The following MAST4 variants were observed in gnomAD, a reference collection of about 807,000 sequenced individuals.
The protein encoded by MAST4 is microtubule associated serine/threonine kinase family member 4, also known as microtubule-associated serine/threonine-protein kinase 4.
MAST4 carries 89 observed loss-of-function variants against 162.7 expected under a neutral mutation model. The ratio of observed to expected loss-of-function variants is 0.55; its 90% CI spans 0.46 to 0.65. MAST4 has a LOEUF of 0.65. MAST4 is among the 30% of genes least tolerant of loss of function. The probability of loss-of-function intolerance (pLI) is 0.00; values close to 1 mark genes in which losing one functional copy is unlikely to be tolerated. For missense variants in MAST4, 3,153 were observed against 3,374.0 expected (o/e 0.93, Z 1.62); for synonymous variants, 1,479 against 1,361.1 (o/e 1.09, Z -1.91).
At position 66,675,047 on chromosome 5, in the gene MAST4, G is replaced by A. The variant is rs141884693; in HGVS notation, c.363+78029G>A. ...GTGCCCCTGCTATAGGACAGTCACT[G>A]CTGCTTGCTGGACCCTTGACTCTGC... On this transcript the variant is annotated intron_variant, in intron 1 of 28. Coordinates refer to ENST00000403625, the MANE Select transcript of MAST4 (RefSeq NM_001164664.2). Among the ~76,000 whole-genome samples the A allele has an allele frequency of 8.3e-4, 127 of 152,294 alleles. 1 individual carries two copies. The highest frequency in any genetic ancestry group is 1.6e-3 in the Non-Finnish European group (107 of 68,018).
At chr5:67,074,734 A>G (rs1343202514) in intron 5 of MAST4, among the ~76,000 whole-genome samples, 1 of 152,248 alleles carries the variant, frequency 6.6e-6, no homozygotes, top group African/African-American at 2.4e-5. Context: ...ATATTTGTAT[A>G]TACGTGTATA....
chr5:66,769,511 C>T (rs1235910614), intron 2 of MAST4, among the ~76,000 whole-genome samples: 1 of 152,188 alleles, frequency 6.6e-6, no homozygotes, highest in Non-Finnish European at 1.5e-5. Context: ...ATAGAGTATA[C>T]TTACACAAAC....
At chr5:66,980,405 C>A (rs907008712) in intron 4 of MAST4, among the ~76,000 whole-genome samples, 1 of 152,152 alleles carries the variant, frequency 6.6e-6, no homozygotes, top group Non-Finnish European at 1.5e-5. Flanking sequence ...TTATGTGGCA[C>A]TTGAGTAAGA....
intron 14 of MAST4, among the ~76,000 whole-genome samples, chr5:67,128,710 C>T (rs1036235617): frequency 3.3e-5 from 5 of 152,144 alleles, no homozygotes; most frequent in Non-Finnish European, 5.9e-5. Flanking sequence ...GTTGATTGAG[C>T]AGGAGCATAG....
rs1705399 is a variant in MAST4 at position 67,164,050 on chromosome 5, G to T, written c.4871G>T (p.Arg1624Leu). ...RASEGAMSDGRVPAEHRQGGG... is the reference protein window; with the variant it reads ...RASEGAMSDGLVPAEHRQGGG... The stretch of plus-strand genomic sequence containing the variant: ...AGCGAGGGTGCGATGTCGGATGGCC[G>T]GGTGCCTGCGGAGCACCGCCAGGGT... Residue 1624 changes from arginine (R) to leucine (L), a missense_variant, in exon 29 of 29, where the codon CGG becomes CTG. Physicochemically the swap from Arg to Leu is moderately radical, Grantham distance 102. Transcript: ENST00000403625. The surrounding 1 kb of genome is among the most constrained non-coding windows in gnomAD (Gnocchi z 5.3). 3.2e-6 allele frequency: 5 copies of T among 1,573,196 alleles called. No homozygotes were observed. Among genetic ancestry groups the T allele is most frequent in the African/African-American group, 2.7e-5 (2 of 73,790 alleles).
chr5:66,854,456 G>A (rs536542269), intron 3 of MAST4, among the ~76,000 whole-genome samples: 2 of 152,264 alleles, frequency 1.3e-5, no homozygotes, highest in East Asian at 1.9e-4. Context: ...CTGTTACAAG[G>A]CTAATATCAA....
intron 4 of MAST4, among the ~76,000 whole-genome samples, chr5:67,009,839 A>T (rs2150348549): frequency 6.6e-6 from 1 of 152,232 alleles, no homozygotes; most frequent in East Asian, 1.9e-4. Context: ...TTCTTGGGGT[A>T]GTCTGTTTAA....
intron 4 of MAST4, among the ~76,000 whole-genome samples, chr5:66,987,968 G>A (rs111681432): frequency 0.019 from 2,896 of 152,164 alleles, 103 homozygotes; most frequent in African/African-American, 0.067. Flanking sequence ...TAATTATGAC[G>A]CTGTGCAAAT....
intron 15 of MAST4, among the ~76,000 whole-genome samples, chr5:67,131,062 A>C (rs946761739): frequency 6.6e-6 from 1 of 152,162 alleles, no homozygotes; most frequent in African/African-American, 2.4e-5. Context: ...CAGAATCCCA[A>C]AACTATAAAA....
chr5:67,097,700 T>C (rs1469731398), intron 7 of MAST4, among the ~76,000 whole-genome samples: 3 of 152,116 alleles, frequency 2.0e-5, no homozygotes, highest in African/African-American at 7.2e-5. Context: ...AAGACGTTAG[T>C]ATCATATAAT....
At chr5:67,028,218 G>A (rs1018053270) in intron 4 of MAST4, among the ~76,000 whole-genome samples, 8 of 151,936 alleles carry the variant, frequency 5.3e-5, no homozygotes, top group African/African-American at 1.5e-4. Context: ...CTTGATGGGT[G>A]AGAGATCATT....
At chr5:67,141,420 G>T (rs190234852) in intron 19 of MAST4, among the ~76,000 whole-genome samples, 2 of 152,148 alleles carry the variant, frequency 1.3e-5, no homozygotes, top group Admixed American at 6.5e-5. Flanking sequence ...TCATATTTTT[G>T]ATGACCTGTC....
chr5:66,965,207 G>GTTTTTTTTTTTTTTTTTTTT (rs778107881), intron 4 of MAST4, among the ~76,000 whole-genome samples: 3 of 82,872 alleles, frequency 3.6e-5, no homozygotes, highest in East Asian at 4.0e-4. Flanking sequence ...CATAAGAGTA[G>GTTTTTTTTTTTTTTTTTTTT]TTTTTTTTTT....
chr5:66,831,818 T>C (rs13175464), intron 3 of MAST4, among the ~76,000 whole-genome samples: 38,372 of 152,098 alleles, frequency 0.25, 5,476 homozygotes, highest in Middle Eastern at 0.32. Flanking sequence ...TCTCAAAACA[T>C]AGGAAATTCT....
chr5:67,103,827 G>A (rs1182656947), intron 9 of MAST4, among the ~76,000 whole-genome samples: 1 of 152,088 alleles, frequency 6.6e-6, no homozygotes, highest in African/African-American at 2.4e-5. Context: ...TTGATATTTT[G>A]GACAGTCCAT....
chr5:66,704,742 C>T (rs1012194861), intron 1 of MAST4, among the ~76,000 whole-genome samples: 3 of 152,052 alleles, frequency 2.0e-5, no homozygotes, highest in African/African-American at 2.4e-5. Flanking sequence ...CCTCGTGATC[C>T]GCCTGCCTCA....
chr5:66,689,635 T>C (rs1229534979), intron 1 of MAST4, among the ~76,000 whole-genome samples: 2 of 152,224 alleles, frequency 1.3e-5, no homozygotes, highest in Non-Finnish European at 2.9e-5. Context: ...TTTGGAGTTC[T>C]ATGCCTGCCC....
rs756653276 is a variant in MAST4 at position 67,095,576 on chromosome 5, C to G, written c.834-21C>G. On this transcript the variant is annotated intron_variant, in intron 6 of 28. Transcript: ENST00000403625. ...GACAGTACGCCAGTGTTGGCCTAAG[C>G]TAAACTCACTTTCTCAATAGGACTG... The G allele has an allele frequency of 1.9e-6, 3 of 1,594,248 alleles. No homozygotes were observed. The South Asian group carries it at 3.4e-5, about 18-fold the overall frequency.
chr5:66,604,204 T>TG (rs1742733874), intron 1 of MAST4, among the ~76,000 whole-genome samples: 1 of 152,222 alleles, frequency 6.6e-6, no homozygotes, highest in African/African-American at 2.4e-5. Flanking sequence ...TGGTGGCGAT[T>TG]CCAGCCTCCC....
Sources: allele counts gnomAD v4.1 joint callset (sites outside exome capture counted in the v4.1 genomes callset), GRCh38; gene constraint gnomAD v4.1.1; non-coding constraint Gnocchi (gnomAD v3.1); transcripts MANE v1.5; gene names NCBI Gene and HGNC (gene_info 2026-07-23, HGNC 2026-07-21).